DIAPH2: variants seen among roughly 807,000 people sequenced by gnomAD.
DIAPH2 encodes diaphanous related formin 2, also known as protein diaphanous homolog 2.
Under a neutral mutation model 92.7 loss-of-function variants are expected in DIAPH2, and 35 were observed. The ratio of observed to expected loss-of-function variants is 0.38; its 90% CI spans 0.29 to 0.50. The LOEUF (loss-of-function observed/expected upper bound fraction) is 0.50. Ranked by LOEUF, DIAPH2 falls within the 20% of genes least tolerant of loss-of-function variation. DIAPH2 has a pLI of 0.94. For synonymous variants in DIAPH2, 301 were observed against 280.4 expected (o/e 1.07, Z -0.73); for missense variants, 701 against 819.5 (o/e 0.86, Z 1.77).
At chrX:97,183,676 G>A (rs765338476) in intron 22 of DIAPH2, among the ~76,000 whole-genome samples, 1 of 112,077 alleles carries the variant, frequency 8.9e-6, no homozygotes, top group Admixed American at 9.5e-5. Context: ...ATCAGCATGA[G>A]ACAGATTTTC....
chrX:97,583,821 G>A (rs2071459479), intron 26 of DIAPH2, among the ~76,000 whole-genome samples: 1 of 111,899 alleles, frequency 8.9e-6, no homozygotes, highest in African/African-American at 3.2e-5. Context: ...CTAGCAATCA[G>A]CGAGACTCGG....
At chrX:97,302,716 C>T (rs182633771) in intron 23 of DIAPH2, among the ~76,000 whole-genome samples, 1 of 110,748 alleles carries the variant, frequency 9.0e-6, no homozygotes, top group East Asian at 2.9e-4. Context: ...CATGGTGGCT[C>T]ATGTCCCAAA....
chrX:96,765,887 C>G (rs1388717014), intron 4 of DIAPH2, among the ~76,000 whole-genome samples: 2 of 110,921 alleles, frequency 1.8e-5, no homozygotes, highest in Non-Finnish European at 3.8e-5. Context: ...CAAGCATGTT[C>G]TATTTTTTTG....
At chrX:97,171,662 T>C (rs1569319414) in intron 22 of DIAPH2, among the ~76,000 whole-genome samples, 2 of 111,870 alleles carry the variant, frequency 1.8e-5, no homozygotes, top group African/African-American at 6.5e-5. Flanking sequence ...CTTTCCGGGC[T>C]GGGCGCGGTG....
At chrX:97,323,628 G>A (rs866038723) in intron 23 of DIAPH2, among the ~76,000 whole-genome samples, 1 of 101,281 alleles carries the variant, frequency 9.9e-6, no homozygotes, top group African/African-American at 3.6e-5. Context: ...CAGGGACCGG[G>A]TGCGGTGGCT....
chrX:97,412,145 A>C (rs887377268), intron 25 of DIAPH2, among the ~76,000 whole-genome samples: 4 of 111,965 alleles, frequency 3.6e-5, no homozygotes, highest in Non-Finnish European at 7.5e-5. Context: ...TTGACCACAT[A>C]GTTGGAAGTA....
chrX:97,304,087 T>C (rs920338420), intron 23 of DIAPH2, among the ~76,000 whole-genome samples: 2 of 111,924 alleles, frequency 1.8e-5, no homozygotes, highest in Admixed American at 1.9e-4. Flanking sequence ...CCCTGTATGT[T>C]GAATGTGGGA....
chrX:96,969,548 G>A (rs1301704359), intron 17 of DIAPH2, among the ~76,000 whole-genome samples: 1 of 109,113 alleles, frequency 9.2e-6, no homozygotes, highest in Non-Finnish European at 1.9e-5. Flanking sequence ...AGAGTTATTA[G>A]TATGTAGAAA....
At chrX:96,863,820 G>A (rs1392388395) in intron 4 of DIAPH2, among the ~76,000 whole-genome samples, 1 of 111,490 alleles carries the variant, frequency 9.0e-6, no homozygotes, top group Admixed American at 9.5e-5. Context: ...CCAGCACTTT[G>A]GGAGGCCAAG....
chrX:97,510,268 A>C (rs2070876581), intron 26 of DIAPH2, among the ~76,000 whole-genome samples: 1 of 111,252 alleles, frequency 9.0e-6, no homozygotes, highest in Non-Finnish European at 1.9e-5. Context: ...AGTGATGATG[A>C]GCATTTTTTC....
chrX:96,991,001 T>C (rs1395653345), intron 17 of DIAPH2, among the ~76,000 whole-genome samples: 2 of 111,669 alleles, frequency 1.8e-5, no homozygotes, highest in East Asian at 5.6e-4. Context: ...AAATAAATCA[T>C]GATAATGGCT....
chrX:97,256,285 G>A (rs1202408194), intron 23 of DIAPH2, among the ~76,000 whole-genome samples: 1 of 112,387 alleles, frequency 8.9e-6, no homozygotes, highest in Non-Finnish European at 1.9e-5. Flanking sequence ...TCTATTCGTA[G>A]ATGTAAAGCC....
intron 26 of DIAPH2, among the ~76,000 whole-genome samples, chrX:97,538,658 GA>G (rs1457012717): frequency 2.7e-5 from 3 of 111,927 alleles, no homozygotes; most frequent in Non-Finnish European, 5.6e-5. Flanking sequence ...CTTTGATAAT[GA>G]AAAAACTACT....
chrX:96,918,551 A>C lies in DIAPH2; in HGVS notation c.912A>C (p.Arg304Ser), dbSNP rs2065520320. The change falls in exon 9 of 27, where the codon AGA becomes AGC. Residue 304 changes from arginine to serine, a missense_variant. Transcript: ENST00000324765. Reference sequence around the variant, plus strand: ...GGGCTATAACAACAGCAGCAGAAAGAAATAACAGGGAACGATTTTCACCAA... The same window carrying C: ...GGGCTATAACAACAGCAGCAGAAAGCAATAACAGGGAACGATTTTCACCAA... ...LLGAITTAAE[R>S]NNRERFSPIV... is the part of the protein sequence containing the mutation. 8.3e-7 allele frequency: 1 copy of C among 1,205,879 alleles called. No individual in the cohort carries two copies.
chrX:97,518,656 T>C (rs2070968591), intron 26 of DIAPH2, among the ~76,000 whole-genome samples: 1 of 110,652 alleles, frequency 9.0e-6, no homozygotes, highest in African/African-American at 3.3e-5. Context: ...TGAACTTCTC[T>C]ATGGATTAGA....
At chrX:97,364,763 T>TTTTTTGTTTG (rs1158881944) in intron 24 of DIAPH2, among the ~76,000 whole-genome samples, 1 of 104,705 alleles carries the variant, frequency 9.6e-6, no homozygotes. Context: ...CCTGGTGTTT[T>TTTTTTGTTTG]TTTTTTTTTT....
intron 17 of DIAPH2, among the ~76,000 whole-genome samples, chrX:97,047,862 G>A (rs2066495350): frequency 9.1e-6 from 1 of 110,057 alleles, no homozygotes; most frequent in Admixed American, 9.7e-5. Context: ...ATAATATTAT[G>A]TGGTATATAT....
intron 23 of DIAPH2, among the ~76,000 whole-genome samples, chrX:97,312,872 C>T (rs1042440433): frequency 9.1e-6 from 1 of 110,491 alleles, no homozygotes; most frequent in Non-Finnish European, 1.9e-5. Context: ...TTTAGTTTAC[C>T]GAAGTCTAAA....
At chrX:97,401,200 C>G (rs764017885) in intron 25 of DIAPH2, among the ~76,000 whole-genome samples, 1 of 111,093 alleles carries the variant, frequency 9.0e-6, no homozygotes, top group African/African-American at 3.3e-5. Context: ...CACCCCTCCC[C>G]CAAGGCATGG....
Sources: allele counts gnomAD v4.1 joint callset (sites outside exome capture counted in the v4.1 genomes callset), GRCh38; gene constraint gnomAD v4.1.1; transcripts MANE v1.5; gene names NCBI Gene and HGNC (gene_info 2026-07-23, HGNC 2026-07-21).